Variants in HIVEP3 observed in about 807,000 individuals in gnomAD.
HIVEP3 encodes HIVEP zinc finger 3.
Under a neutral mutation model 152.8 loss-of-function variants are expected in HIVEP3, and 49 were observed. That is an observed-to-expected ratio of 0.32 (90% CI 0.26 to 0.41). The LOEUF is 0.41. HIVEP3 is among the 10% of genes least tolerant of loss of function. The pLI is 1.00. For missense variants in HIVEP3, 2,790 were observed against 3,103.3 expected, an observed-to-expected ratio of 0.90 and a Z score of 2.40; for synonymous variants, 1,269 against 1,289.0, an observed-to-expected ratio of 0.98 and a Z score of 0.33.
At chr1:41,659,817 C>T (rs916590341) in intron 2 of HIVEP3, among the ~76,000 whole-genome samples, 1 of 152,230 alleles carries the variant, frequency 6.6e-6, no homozygotes, top group African/African-American at 2.4e-5. Context: ...GCAAAGCACT[C>T]CCACATGCTC....
At chr1:41,904,099 G>A (rs1409377024) in intron 1 of HIVEP3, among the ~76,000 whole-genome samples, 7 of 151,922 alleles carry the variant, frequency 4.6e-5, no homozygotes, top group African/African-American at 9.7e-5. Context: ...GTATTGCTAC[G>A]TTGCCCAGGC....
rs1334769003 is a variant in HIVEP3, at chr1:41,806,785, A to G, written c.-800-105790T>C. On this transcript the variant is annotated intron_variant, in intron 1 of 8. Transcript: ENST00000372583. The stretch of plus-strand genomic sequence containing the variant: ...ACCTGGGACTCCAGAGGGAAGGGGC[A>G]TCTCAGGACGACTCCACAGGGTAGG... 5.3e-5 allele frequency among the ~76,000 whole-genome samples: 8 copies of G among 152,268 alleles called. No individual in the cohort carries two copies. The East Asian group carries it at 1.5e-3, about 29-fold the overall frequency.
chr1:41,745,052 T>TG (rs1204081661), intron 1 of HIVEP3, among the ~76,000 whole-genome samples: 1 of 152,214 alleles, frequency 6.6e-6, no homozygotes, highest in Admixed American at 6.5e-5. Flanking sequence ...AGCCAGAACC[T>TG]GGGGGTCCCA....
At chr1:41,994,380 G>A (rs1479025434) in intron 1 of HIVEP3, among the ~76,000 whole-genome samples, 2 of 152,006 alleles carry the variant, frequency 1.3e-5, no homozygotes, top group Admixed American at 6.6e-5. Context: ...AAATTGATGC[G>A]ATTTGGCGCT....
chr1:41,858,308 T>C (rs981985995), intron 1 of HIVEP3, among the ~76,000 whole-genome samples: 2 of 152,182 alleles, frequency 1.3e-5, no homozygotes, highest in African/African-American at 2.4e-5. Context: ...TCATATGCCC[T>C]AACAATAAAC....
At chr1:41,799,315 T>C (rs1650166435) in intron 1 of HIVEP3, among the ~76,000 whole-genome samples, 1 of 152,210 alleles carries the variant, frequency 6.6e-6, no homozygotes. Context: ...CTCTCTCTTA[T>C]ACCTCTGACA....
At position 41,579,839 on chromosome 1, in the gene HIVEP3, A is replaced by G. The variant is rs1159456028; in HGVS notation, c.4959T>C (p.Ser1653=). ...ATGTCTCTTTGCTCACTTTCTGCTT[A>G]GACCTCAGGAGGGACAAAGCAGCTT... ...STKAALSLLR[S]KQKVSKETYT... is the part of the protein sequence containing the mutation. The change falls in exon 4 of 9, where the codon TCT becomes TCC. Residue 1653 remains serine, a synonymous_variant. Coordinates refer to ENST00000372583, the MANE Select transcript of HIVEP3 (RefSeq NM_024503.5). The G allele has an allele frequency of 6.2e-7, 1 of 1,614,150 alleles. No individual in the cohort carries two copies. The highest frequency in any genetic ancestry group is 2.2e-5 in the East Asian group (1 of 44,888).
chr1:41,609,320 G>A (rs186488354), intron 3 of HIVEP3, among the ~76,000 whole-genome samples: 9 of 152,330 alleles, frequency 5.9e-5, no homozygotes, highest in Admixed American at 5.2e-4. Flanking sequence ...GATGCACAAT[G>A]CCCACCTAGT....
At chr1:41,811,049 T>C (rs529514195) in intron 1 of HIVEP3, among the ~76,000 whole-genome samples, 3 of 152,284 alleles carry the variant, frequency 2.0e-5, no homozygotes, top group South Asian at 4.1e-4. Flanking sequence ...TATGATTGTT[T>C]ATTGACCAGT....
chr1:41,914,425 A>G (rs941595227), intron 1 of HIVEP3, among the ~76,000 whole-genome samples: 6 of 152,250 alleles, frequency 3.9e-5, no homozygotes, highest in Admixed American at 3.3e-4. Flanking sequence ...TACCAAAACA[A>G]TGAATGTATG....
intron 5 of HIVEP3, among the ~76,000 whole-genome samples, chr1:41,531,505 A>G (rs1643252660): frequency 1.0e-5 from 1 of 99,970 alleles, no homozygotes; most frequent in African/African-American, 3.9e-5. Context: ...GATGGAAGAC[A>G]GGGGCGATAG....
At chr1:41,880,341 C>T (rs2124425836) in intron 1 of HIVEP3, among the ~76,000 whole-genome samples, 1 of 152,268 alleles carries the variant, frequency 6.6e-6, no homozygotes, top group African/African-American at 2.4e-5. Context: ...CCATGCCTGG[C>T]CCATCCTCTT....
intron 1 of HIVEP3, among the ~76,000 whole-genome samples, chr1:41,749,298 C>T (rs922855488): frequency 6.6e-6 from 1 of 152,154 alleles, no homozygotes; most frequent in Non-Finnish European, 1.5e-5. Flanking sequence ...CCTCTCACTT[C>T]CCCTGGGTGG....
In HIVEP3 at chr1:41,888,287, C is replaced by T. The variant is rs566450893; in HGVS notation, c.-801+30126G>A. 7.4e-3 allele frequency among the ~76,000 whole-genome samples: 1,065 copies of T among 144,880 alleles called. 10 individuals are homozygous for T. The highest frequency in any genetic ancestry group is 0.026 in the African/African-American group (1,009 of 38,788). On this transcript the variant is annotated intron_variant, in intron 1 of 8. Transcript: ENST00000372583. ...CAGGATGGTCTCAATCTCCTGACTT[C>T]GTAATCTGCCCACCTTGGCCTCCCA... is the stretch of plus-strand genomic sequence containing the variant.
At chr1:41,969,296 C>G (rs767798457) in intron 1 of HIVEP3, among the ~76,000 whole-genome samples, 24 of 152,150 alleles carry the variant, frequency 1.6e-4, no homozygotes, top group Non-Finnish European at 3.4e-4. Flanking sequence ...ATCATGCTAC[C>G]TGAGTTCAAA....
intron 1 of HIVEP3, among the ~76,000 whole-genome samples, chr1:41,714,190 GAT>G (rs1170648244): frequency 6.6e-6 from 1 of 152,212 alleles, no homozygotes; most frequent in Non-Finnish European, 1.5e-5. Context: ...TTAACCCTCT[GAT>G]GTTACTGGCT....
intron 1 of HIVEP3, among the ~76,000 whole-genome samples, chr1:41,716,028 C>A (rs751811956): frequency 2.0e-5 from 3 of 152,188 alleles, no homozygotes; most frequent in African/African-American, 7.2e-5. Context: ...TTGAGGTAGT[C>A]CTTGAAGCAG....
rs545486187 is a variant in HIVEP3 at position 41,735,639 on chromosome 1, T to C, written c.-800-34644A>G. Among the ~76,000 whole-genome samples the C allele has an allele frequency of 7.9e-5, 12 of 152,210 alleles. No homozygotes were observed. The South Asian group carries it at 2.5e-3, about 32-fold the overall frequency. On this transcript the variant is annotated intron_variant, in intron 1 of 8. Transcript: ENST00000372583. ...CCCTATGGCTGGCAGGCTGGAGATA[T>C]GTCTCCAGCCTGGAGATTTGGGACT...
intron 2 of HIVEP3, among the ~76,000 whole-genome samples, chr1:41,698,818 CTT>C (rs1195595266): frequency 6.6e-6 from 1 of 152,154 alleles, no homozygotes; most frequent in Non-Finnish European, 1.5e-5. Context: ...CTGGTCTTCT[CTT>C]GTTTCTGCCC....
Sources: gnomAD v4.1 joint callset for allele counts (sites outside exome capture counted in the v4.1 genomes callset) on GRCh38, gnomAD v4.1.1 for gene constraint, MANE v1.5 for transcripts, NCBI Gene and HGNC (gene_info 2026-07-23, HGNC 2026-07-21) for gene names.